The following GABRB1 variants were observed in gnomAD, a reference collection of about 807,000 sequenced individuals.
The protein encoded by GABRB1 is gamma-aminobutyric acid receptor subunit beta-1.
Under a neutral mutation model 51.6 loss-of-function variants are expected in GABRB1, and 17 were observed. That is an observed-to-expected ratio of 0.33 (90% CI 0.23 to 0.49). The LOEUF (loss-of-function observed/expected upper bound fraction) is 0.49, where lower values mean the gene tolerates loss of function less well. Among genes scored for constraint, GABRB1 ranks in the 20% least tolerant of loss-of-function variants. The pLI is 0.99. For missense variants in GABRB1, 410 were observed against 600.6 expected, an observed-to-expected ratio of 0.68 and a Z score of 3.32; for synonymous variants, 247 against 218.9, an observed-to-expected ratio of 1.13 and a Z score of -1.14.
At chr4:47,006,815 G>T (rs1724416229) in intron 1 of GABRB1, among the ~76,000 whole-genome samples, 1 of 152,136 alleles carries the variant, frequency 6.6e-6, no homozygotes, top group Admixed American at 6.5e-5. Flanking sequence ...TAAAGATAAA[G>T]ATTGCCACAC....
chr4:47,049,830 GAAAT>G (rs1378145759), intron 3 of GABRB1, among the ~76,000 whole-genome samples: 2 of 152,164 alleles, frequency 1.3e-5, no homozygotes, highest in African/African-American at 4.8e-5. Context: ...CAGCTAACTT[GAAAT>G]AAATAAACTG....
intron 1 of GABRB1, among the ~76,000 whole-genome samples, chr4:47,019,192 A>T (rs1282189349): frequency 6.6e-6 from 1 of 152,106 alleles, no homozygotes; most frequent in Non-Finnish European, 1.5e-5. Flanking sequence ...TAATCTATCA[A>T]CAATTTTTCC....
At chr4:47,371,529 G>A (rs1727197099) in intron 5 of GABRB1, among the ~76,000 whole-genome samples, 1 of 152,172 alleles carries the variant, frequency 6.6e-6, no homozygotes. Flanking sequence ...TTCCACAATG[G>A]TTGAATTAAT....
intron 4 of GABRB1, among the ~76,000 whole-genome samples, chr4:47,283,048 T>C (rs1464041008): frequency 6.6e-6 from 1 of 152,114 alleles, no homozygotes; most frequent in Admixed American, 6.5e-5. Context: ...AGGAAAGAGT[T>C]TTGTAATCAC....
At chr4:47,042,742 C>T (rs1725913006) in intron 3 of GABRB1, among the ~76,000 whole-genome samples, 1 of 151,402 alleles carries the variant, frequency 6.6e-6, no homozygotes. Flanking sequence ...AAAAGGTAAC[C>T]AAAGACCTAA....
At position 47,189,156 on chromosome 4, in the gene GABRB1, C is replaced by T. The variant is rs77800730; in HGVS notation, c.461+27687C>T. Among the ~76,000 whole-genome samples, 10 of 151,776 alleles carry T rather than the reference C, an allele frequency of 6.6e-5. No homozygotes were observed. The East Asian group carries it at 1.2e-3, about 18-fold the overall frequency. ...GACATTTGAGCTGAGTTATGAGTGA[C>T]GTCTAAAAAGTTACCAAAAATAGAA... On this transcript the variant is annotated intron_variant, in intron 4 of 8. Transcript: ENST00000295454.
chr4:47,007,235 T>C (rs1320843586), intron 1 of GABRB1, among the ~76,000 whole-genome samples: 3 of 152,198 alleles, frequency 2.0e-5, no homozygotes, highest in African/African-American at 7.2e-5. Flanking sequence ...GTCATTATAT[T>C]AATATCCAGC....
intron 4 of GABRB1, among the ~76,000 whole-genome samples, chr4:47,280,838 T>TTTG (rs1303007032): frequency 3.4e-4 from 50 of 149,172 alleles, no homozygotes; most frequent in Non-Finnish European, 6.7e-4. Context: ...TTTTTTTTTT[T>TTTG]AGAAATGAGT....
rs1204756389 is a variant in GABRB1, at chr4:47,421,755, C to A, written c.1081-3919C>A. 1.3e-5 allele frequency among the ~76,000 whole-genome samples: 2 copies of A among 152,076 alleles called. 1 individual carries two copies. The highest frequency in any genetic ancestry group is 2.9e-5 in the Non-Finnish European group (2 of 67,984). Reference sequence around the variant, plus strand: ...CCAATGATTTCTCACTTTGATGAATCCCTAATCGTGATCTATATTATGCCA... The same window carrying A: ...CCAATGATTTCTCACTTTGATGAATACCTAATCGTGATCTATATTATGCCA... On this transcript the variant is annotated intron_variant, in intron 8 of 8. Transcript: ENST00000295454.
intron 4 of GABRB1, among the ~76,000 whole-genome samples, chr4:47,295,314 T>C (rs1228882099): frequency 6.6e-6 from 1 of 152,164 alleles, no homozygotes; most frequent in Non-Finnish European, 1.5e-5. Context: ...TACTCCGAGC[T>C]ACAGGAGGAA....
chr4:47,341,360 A>G (rs543608595), intron 5 of GABRB1, among the ~76,000 whole-genome samples: 4 of 152,334 alleles, frequency 2.6e-5, no homozygotes, highest in Admixed American at 1.3e-4. Context: ...GAAATTAATC[A>G]CAATAATCCA....
intron 7 of GABRB1, among the ~76,000 whole-genome samples, chr4:47,406,328 A>AAAGG (rs1728563889): frequency 6.6e-6 from 1 of 152,220 alleles, no homozygotes. Context: ...GATGCTGAGA[A>AAAGG]AAGGAAGAAA....
chr4:47,159,300 GA>G (rs1235898891), intron 3 of GABRB1, among the ~76,000 whole-genome samples: 1 of 151,128 alleles, frequency 6.6e-6, no homozygotes, highest in African/African-American at 2.4e-5. Flanking sequence ...GAAGAGAAAA[GA>G]AAAAAAAGAG....
intron 3 of GABRB1, among the ~76,000 whole-genome samples, chr4:47,073,623 C>G (rs956218637): frequency 6.6e-6 from 1 of 152,064 alleles, no homozygotes; most frequent in African/African-American, 2.4e-5. Context: ...CTTTGAAGAA[C>G]CTCTTTGTTT....
At chr4:47,158,759 A>C (rs577738426) in intron 3 of GABRB1, among the ~76,000 whole-genome samples, 1 of 152,142 alleles carries the variant, frequency 6.6e-6, no homozygotes, top group Non-Finnish European at 1.5e-5. Flanking sequence ...AACTGAGTCC[A>C]TCTGCCTACA....
intron 5 of GABRB1, among the ~76,000 whole-genome samples, chr4:47,356,728 G>A (rs1682356014): frequency 6.6e-6 from 1 of 152,108 alleles, no homozygotes; most frequent in Admixed American, 6.6e-5. Context: ...CTTTTATTCA[G>A]AAAGCTTCCA....
At chr4:47,022,590 T>C (rs1577833037) in intron 1 of GABRB1, among the ~76,000 whole-genome samples, 1 of 152,048 alleles carries the variant, frequency 6.6e-6, no homozygotes, top group Non-Finnish European at 1.5e-5. Context: ...CAAATCAAAA[T>C]GACAATGAGA....
intron 1 of GABRB1, among the ~76,000 whole-genome samples, chr4:47,001,030 T>C (rs1724161523): frequency 6.6e-6 from 1 of 152,240 alleles, no homozygotes; most frequent in African/African-American, 2.4e-5. Context: ...ATAGAACAAA[T>C]TGAATAGCAT....
intron 3 of GABRB1, among the ~76,000 whole-genome samples, chr4:47,084,115 T>C (rs892105596): frequency 3.9e-5 from 6 of 152,178 alleles, no homozygotes; most frequent in Non-Finnish European, 8.8e-5. Context: ...GTAAACCAGC[T>C]ATGGTTTCTT....
Sources: gnomAD v4.1 joint callset for allele counts (sites outside exome capture counted in the v4.1 genomes callset) on GRCh38, gnomAD v4.1.1 for gene constraint, MANE v1.5 for transcripts, NCBI Gene and HGNC (gene_info 2026-07-23, HGNC 2026-07-21) for gene names.